Variants in BAHD1 observed in about 807,000 individuals in gnomAD.
BAHD1 encodes bromo adjacent homology domain containing 1.
Under a neutral mutation model 63.1 loss-of-function variants are expected in BAHD1, and 20 were observed. The ratio of observed to expected loss-of-function variants is 0.32; its 90% CI spans 0.22 to 0.46. The LOEUF is 0.46. Ranked by LOEUF, BAHD1 falls within the 20% of genes least tolerant of loss-of-function variation. BAHD1 has a pLI of 1.00. For missense variants in BAHD1, 939 were observed against 1,071.8 expected (o/e 0.88, Z 1.73); for synonymous variants, 408 against 426.8 (o/e 0.96, Z 0.54).
intron 1 of BAHD1, among the ~76,000 whole-genome samples, chr15:40,447,607 TAA>T (rs1555408581): frequency 7.3e-6 from 1 of 136,960 alleles, no homozygotes; most frequent in Non-Finnish European, 1.6e-5. Flanking sequence ...AATAAATAAA[TAA>T]ATAAAAATAA....
chr15:40,438,018 A>G (rs1893313674), upstream of BAHD1, among the ~76,000 whole-genome samples: 1 of 152,134 alleles, frequency 6.6e-6, no homozygotes, highest in African/African-American at 2.4e-5. Context: ...CAGCCCGGGA[A>G]AGACTCCGGA....
intron 2 of BAHD1, among the ~76,000 whole-genome samples, chr15:40,460,446 A>C (rs925116122): frequency 5.3e-5 from 8 of 152,148 alleles, no homozygotes; most frequent in Non-Finnish European, 1.0e-4. Context: ...TTGAAAGAGA[A>C]GTGCCCAGAC....
intron 1 of BAHD1, among the ~76,000 whole-genome samples, chr15:40,444,586 G>T (rs1179701966): frequency 1.3e-5 from 2 of 152,162 alleles, no homozygotes; most frequent in Non-Finnish European, 2.9e-5. Flanking sequence ...GCACAGAAAA[G>T]AAAAATACTC....
rs1364660510 is a variant in BAHD1 at position 40,459,118 on chromosome 15, G to A, written c.654G>A (p.Glu218=). The A allele has an allele frequency of 6.2e-6, 10 of 1,612,994 alleles. No homozygotes were observed. The highest frequency in any genetic ancestry group is 2.7e-5 in the African/African-American group (2 of 74,944). Residue 218 remains glutamate, a synonymous_variant, in exon 2 of 7, where the codon GAG becomes GAA. Transcript: ENST00000416165. Reference sequence around the variant, plus strand: ...CTGCTTTCCTAAAACTGAGCCAGGAGCGGGAGCTACCCCTGCGGCTGCCTC... The same window carrying A: ...CTGCTTTCCTAAAACTGAGCCAGGAACGGGAGCTACCCCTGCGGCTGCCTC... ...NAAAFLKLSQ[E]RELPLRLPRA...
At chr15:40,452,282 T>G (rs1893728385) in intron 1 of BAHD1, among the ~76,000 whole-genome samples, 2 of 152,224 alleles carry the variant, frequency 1.3e-5, no homozygotes, top group South Asian at 2.1e-4. Context: ...CCCTGCTCTC[T>G]CTCTCTCTTT....
intron 1 of BAHD1, among the ~76,000 whole-genome samples, chr15:40,444,887 A>G (rs974287746): frequency 2.0e-5 from 3 of 151,936 alleles, no homozygotes; most frequent in African/African-American, 7.3e-5. Context: ...TGATTAATGG[A>G]CCAGCATTTC....
chr15:40,447,606 AT>A lies in BAHD1; in HGVS notation c.-15+6339del, dbSNP rs1466467112. Among the ~76,000 whole-genome samples, 173 of 114,360 alleles carry A rather than the reference AT, an allele frequency of 1.5e-3. 1 individual carries two copies. Among genetic ancestry groups the A allele is most frequent in the East Asian group, 8.1e-3 (26 of 3,214 alleles). The allele number at this position is 114,360 out of a possible 152,430, so 75.0% of individuals were successfully genotyped here. On this transcript the variant is annotated intron_variant, in intron 1 of 6. Coordinates refer to ENST00000416165, the MANE Select transcript of BAHD1 (RefSeq NM_014952.5). ...AATAAATAAATAAATAAATAAATAA[AT>A]AAATAAAAATAAAAATGATTGAATA...
chr15:40,453,846 G>T (rs1022143145), intron 1 of BAHD1: 4 of 147,028 alleles, frequency 2.7e-5, no homozygotes, highest in Non-Finnish European at 4.5e-5. Flanking sequence ...GGTGTCACGC[G>T]CTTATAGTCT....
chr15:40,467,754 A>T lies in BAHD1; in HGVS notation c.*1624A>T, dbSNP rs1894255542. On this transcript the variant is annotated 3_prime_UTR_variant, in exon 7 of 7. Coordinates refer to ENST00000416165, the MANE Select transcript of BAHD1 (RefSeq NM_014952.5). The stretch of plus-strand genomic sequence containing the variant: ...GAAGGGAAGGGACTTGGATCTCCTT[A>T]TATTGAATAAGCTGTTTGGAGGAAG... The T allele has an allele frequency of 6.6e-6, 1 of 152,656 alleles. No homozygotes were observed. The highest frequency in any genetic ancestry group is 2.1e-4 in the South Asian group (1 of 4,832). 9.5% of individuals were successfully genotyped at this position (152,656 alleles called of 1,614,324 possible).
At chr15:40,442,965 C>T (rs749125230) in intron 1 of BAHD1, among the ~76,000 whole-genome samples, 1 of 152,182 alleles carries the variant, frequency 6.6e-6, no homozygotes, top group Admixed American at 6.5e-5. Flanking sequence ...GCCTCCATCT[C>T]CCCCGGTGAC....
In BAHD1 at chr15:40,459,498, C is replaced by T. The variant is rs1425856881; in HGVS notation, c.1034C>T (p.Pro345Leu). 2 of 1,613,862 alleles carry T rather than the reference C, an allele frequency of 1.2e-6. No individual in the cohort carries two copies. Among genetic ancestry groups the T allele is most frequent in the African/African-American group, 1.3e-5 (1 of 74,930 alleles). The stretch of plus-strand genomic sequence containing the variant: ...GCCCCTAAGCAGGAACTGCATCAGC[C>T]CTCTTTCCCCACACCTCAGCTGTCG... ...SPAPKQELHQ[P>L]SFPTPQLSPL... Residue 345 changes from proline (P) to leucine (L), a missense_variant, in exon 2 of 7, where the codon CCC (proline) becomes CTC (leucine). This residue lies in a region of BAHD1 where 797 missense variants were observed against 813.3 expected (regional missense o/e 0.98). Coordinates refer to ENST00000416165, the MANE Select transcript of BAHD1 (RefSeq NM_014952.5).
intron 1 of BAHD1, among the ~76,000 whole-genome samples, chr15:40,441,738 A>T (rs1011770702): frequency 2.0e-5 from 3 of 147,676 alleles, no homozygotes; most frequent in Admixed American, 2.0e-4. Context: ...CCCCTCCCCC[A>T]TCGCGGTCCC....
chr15:40,464,652 C>G (rs1352919333), intron 5 of BAHD1, 105 bp downstream of exon 5: 2 of 946,624 alleles, frequency 2.1e-6, no homozygotes, highest in Non-Finnish European at 3.3e-6. Context: ...GTAGTCAAAT[C>G]CCTGCGCTTG....
chr15:40,457,899 G>C (rs1893895542), intron 1 of BAHD1, among the ~76,000 whole-genome samples: 1 of 152,314 alleles, frequency 6.6e-6, no homozygotes, highest in African/African-American at 2.4e-5. Context: ...TGTAGTCCCA[G>C]CTACCCGAGA....
chr15:40,451,701 G>A (rs925033494), intron 1 of BAHD1, among the ~76,000 whole-genome samples: 10 of 152,314 alleles, frequency 6.6e-5, no homozygotes, highest in Admixed American at 5.2e-4. Flanking sequence ...CCTCTGCTGT[G>A]GGGGGGCCAG....
At chr15:40,447,560 GAATAAATAAATAAATA>G (rs145969802) in intron 1 of BAHD1, among the ~76,000 whole-genome samples, 11,939 of 138,744 alleles carry the variant, frequency 0.086, 539 homozygotes, top group South Asian at 0.12. Context: ...TCTGTCTCCA[GAATAAATAAATAAATA>G]AATAAATAAA....
rs1319748599 is a variant in BAHD1, at chr15:40,468,101, A to G, written c.*1971A>G. The G allele has an allele frequency of 6.6e-6, 1 of 152,630 alleles. No homozygotes were observed. Among genetic ancestry groups the G allele is most frequent in the African/African-American group, 2.4e-5 (1 of 41,448 alleles). 9.5% of individuals were successfully genotyped at this position (152,630 alleles called of 1,614,324 possible). On this transcript the variant is annotated 3_prime_UTR_variant, in exon 7 of 7. Coordinates refer to ENST00000416165, the MANE Select transcript of BAHD1 (RefSeq NM_014952.5). ...TAAAATGCACTTTTTGTGTGTGTTG[A>G]TCCTGGTTTCCCAGATCTGTATTTC...
chr15:40,462,665 G>A (rs1894087155), intron 3 of BAHD1, among the ~76,000 whole-genome samples: 1 of 152,158 alleles, frequency 6.6e-6, no homozygotes. Flanking sequence ...GTTGGAATGG[G>A]CAGAGAAAAT....
intron 2 of BAHD1, 52 bp from the exon 3 acceptor site, chr15:40,461,860 G>A (rs1894051806): frequency 6.6e-7 from 1 of 1,521,856 alleles, no homozygotes; most frequent in South Asian, 1.3e-5. Flanking sequence ...AAAGCAGATG[G>A]GTGATGGGGG....
Sources: allele counts gnomAD v4.1 joint callset (sites outside exome capture counted in the v4.1 genomes callset), GRCh38; gene constraint gnomAD v4.1.1; regional missense constraint gnomAD v4.1.1; transcripts MANE v1.5; gene names NCBI Gene and HGNC (gene_info 2026-07-23, HGNC 2026-07-21).